Variants in SLIT1 observed in about 807,000 individuals in gnomAD.
SLIT1 encodes slit homolog 1 protein.
Under a neutral mutation model 186.1 loss-of-function variants are expected in SLIT1, and 66 were observed. The observed-to-expected ratio is 0.35, with a 90% CI of 0.29 to 0.44. The LOEUF (loss-of-function observed/expected upper bound fraction) is 0.44. Ranked by LOEUF, SLIT1 falls within the 20% of genes least tolerant of loss-of-function variation. SLIT1 has a pLI of 1.00. For missense variants in SLIT1, 1,638 were observed against 2,037.4 expected (o/e 0.80, Z 3.77); for synonymous variants, 761 against 833.8 (o/e 0.91, Z 1.50).
At chr10:97,049,191 C>T in intron 13 of SLIT1, 73 bp from the exon 14 acceptor site, 1 of 1,531,062 alleles carries the variant, frequency 6.5e-7, no homozygotes. Context: ...CGGGACAGGG[C>T]CTCGTTGTGG....
At chr10:97,167,717 C>G (rs765302423) in intron 1 of SLIT1, among the ~76,000 whole-genome samples, 17 of 152,210 alleles carry the variant, frequency 1.1e-4, no homozygotes, top group Non-Finnish European at 2.5e-4. Flanking sequence ...CCATAATCCC[C>G]ATGTGTCATG....
In SLIT1 at chr10:97,145,799, G is replaced by A. The variant is rs111703870; in HGVS notation, c.413+12019C>T. ...GACAAAGATAAGGCTTCTCCAAGAT[G>A]CTCCACATAAACACTGGGGCCAAAG... On this transcript the variant is annotated intron_variant, in intron 4 of 36. Transcript: ENST00000266058. 3.0e-3 allele frequency among the ~76,000 whole-genome samples: 450 copies of A among 152,266 alleles called. 2 individuals carry two copies. Among genetic ancestry groups the A allele is most frequent in the African/African-American group, 0.01 (432 of 41,542 alleles).
intron 1 of SLIT1, among the ~76,000 whole-genome samples, chr10:97,173,321 G>T (rs1850215175): frequency 6.6e-6 from 1 of 152,172 alleles, no homozygotes; most frequent in Non-Finnish European, 1.5e-5. Flanking sequence ...AGCTCCACAT[G>T]CTTCTCACAA....
intron 4 of SLIT1, chr10:97,153,473 T>A (rs2134715198): frequency 6.6e-6 from 1 of 152,260 alleles, no homozygotes; most frequent in Non-Finnish European, 1.5e-5. Flanking sequence ...ATGGGAAGAA[T>A]TAGTAACAGA....
chr10:97,185,494 G>C lies in SLIT1; in HGVS notation c.181C>G (p.Arg61Gly). ...GLQAIPKNIP[R>G]NTERLELNGN... ...CATACTCACAGGCGCTCGGTGTTCC[G>C]AGGTATATTCTTGGGAATGGCCTGC... is the stretch of plus-strand genomic sequence containing the variant. The change falls in exon 1 of 37, where the codon CGG becomes GGG. Residue 61 changes from arginine to glycine, a missense_variant. By Grantham distance (125) the Arg-to-Gly change is moderately radical. Coordinates refer to ENST00000266058, the MANE Select transcript of SLIT1 (RefSeq NM_003061.3). The C allele has an allele frequency of 6.2e-7, 1 of 1,612,230 alleles. No homozygotes were observed. The highest frequency in any genetic ancestry group is 8.5e-7 in the Non-Finnish European group (1 of 1,179,600).
At chr10:97,078,549 T>G (rs777699563) in intron 4 of SLIT1, among the ~76,000 whole-genome samples, 1 of 152,186 alleles carries the variant, frequency 6.6e-6, no homozygotes, top group East Asian at 1.9e-4. Context: ...AAGGCAGCCC[T>G]GCTTTGAAGT....
intron 26 of SLIT1, among the ~76,000 whole-genome samples, chr10:97,019,704 T>G (rs1340468136): frequency 6.6e-6 from 1 of 152,116 alleles, no homozygotes; most frequent in African/African-American, 2.4e-5. Flanking sequence ...ATCTCCAGGA[T>G]GCACTGGTTG....
chr10:97,027,279 C>G lies in SLIT1; in HGVS notation c.2582+3478G>C, dbSNP rs145190205. On this transcript the variant is annotated intron_variant, in intron 25 of 36. Transcript: ENST00000266058. ...ACCGTTCTTCAATTCCTTATAAGTG[C>G]TCAATATTCTTTCTGGAAGAGTTGC... is the stretch of plus-strand genomic sequence containing the variant. Among the ~76,000 whole-genome samples the G allele has an allele frequency of 2.6e-3, 395 of 152,324 alleles. 6 individuals are homozygous for G. The highest frequency in any genetic ancestry group is 9.1e-3 in the African/African-American group (378 of 41,562).
At chr10:97,033,838 G>C (rs929284125) in intron 23 of SLIT1, among the ~76,000 whole-genome samples, 1 of 151,346 alleles carries the variant, frequency 6.6e-6, no homozygotes, top group East Asian at 1.9e-4. Context: ...ATCAGGAAGG[G>C]ACAAGGTGCT....
rs1848707187 is a variant in SLIT1 at position 97,043,407 on chromosome 10, G to A, written c.1960C>T (p.Pro654Ser). Residue 654 changes from proline to serine, a missense_variant, in exon 19 of 37, where the codon CCA becomes TCA. Transcript: ENST00000266058. The surrounding 1 kb of genome is among the most constrained non-coding windows in gnomAD (Gnocchi z 7.0). ...GACTGGAGGGTGTCGAAGGCTCCTG[G>A]GGATACGGTGGTGATCTGGTTGTCG... The part of the protein sequence containing the change: ...LYDNQITTVS[P>S]GAFDTLQSLS... 6.2e-7 allele frequency: 1 copy of A among 1,613,964 alleles called. No individual in the cohort carries two copies. The highest frequency in any genetic ancestry group is 2.2e-5 in the East Asian group (1 of 44,878).
In SLIT1 at chr10:97,063,376, T is replaced by C. The variant is rs2134639160; in HGVS notation, c.793+79A>G. On this transcript the variant is annotated intron_variant, in intron 8 of 36. Coordinates refer to ENST00000266058, the MANE Select transcript of SLIT1 (RefSeq NM_003061.3). Reference sequence around the variant, plus strand: ...AGGTGATGGGCAGGCCAGGTATTAATGTCGAGATTAGGGGCGGGAACAAGA... The same window carrying C: ...AGGTGATGGGCAGGCCAGGTATTAACGTCGAGATTAGGGGCGGGAACAAGA... 6.0e-6 allele frequency: 9 copies of C among 1,503,850 alleles called. No individual in the cohort carries two copies. The South Asian group carries it at 9.1e-5, about 15-fold the overall frequency. The allele number at this position is 1,503,850 out of a possible 1,614,324, so 93.2% of individuals were successfully genotyped here.
chr10:97,002,149 G>T lies in SLIT1; in HGVS notation c.4366+9C>A. Reference sequence around the variant, plus strand: ...CTGGGGAGGGCACGTCAGGAGGGGGGCCCCTGACCTTGCTCACACAGCTCG... The same window carrying T: ...CTGGGGAGGGCACGTCAGGAGGGGGTCCCCTGACCTTGCTCACACAGCTCG... On this transcript the variant is annotated intron_variant, in intron 36 of 36. Transcript: ENST00000266058. The T allele has an allele frequency of 2.8e-6, 4 of 1,428,194 alleles. No homozygotes were observed. The highest frequency in any genetic ancestry group is 1.5e-5 in the South Asian group (1 of 65,050). 88.5% of individuals were successfully genotyped at this position (1,428,194 alleles called of 1,614,324 possible).
At chr10:97,097,764 C>T (rs1475374599) in intron 4 of SLIT1, among the ~76,000 whole-genome samples, 1 of 152,146 alleles carries the variant, frequency 6.6e-6, no homozygotes, top group Non-Finnish European at 1.5e-5. Context: ...AATCTGCAGC[C>T]CCAGGCAAAA....
intron 4 of SLIT1, among the ~76,000 whole-genome samples, chr10:97,080,824 A>C (rs1849097046): frequency 6.6e-6 from 1 of 152,254 alleles, no homozygotes; most frequent in African/African-American, 2.4e-5. Context: ...GCTTTTAGCA[A>C]AAATGGCATT....
intron 4 of SLIT1, among the ~76,000 whole-genome samples, chr10:97,117,634 C>T (rs751256489): frequency 1.3e-4 from 20 of 152,308 alleles, no homozygotes; most frequent in Middle Eastern, 3.4e-3. Flanking sequence ...TAAATAATCT[C>T]TTCGGTTGCT....
Position 97,000,918 on chromosome 10 carries a change from A to C in SLIT1, c.*194T>G. The C allele has an allele frequency of 1.7e-6, 1 of 594,072 alleles. No homozygotes were observed. The highest frequency in any genetic ancestry group is 3.0e-5 in the Admixed American group (1 of 33,784). 36.8% of individuals were successfully genotyped at this position (594,072 alleles called of 1,614,324 possible). A position where few individuals can be genotyped will look rare whatever the true frequency, so the allele number is the denominator to read the frequency against. On this transcript the variant is annotated 3_prime_UTR_variant, in exon 37 of 37. Transcript: ENST00000266058. Reference sequence around the variant, plus strand: ...GCAGCCCGCAGCTCAGGCCTCGCCCACCCCCGCTGCCCCCAGCTATGGCGC... The same window carrying C: ...GCAGCCCGCAGCTCAGGCCTCGCCCCCCCCCGCTGCCCCCAGCTATGGCGC...
chr10:97,019,498 C>T (rs949543566), intron 26 of SLIT1, among the ~76,000 whole-genome samples: 4 of 152,162 alleles, frequency 2.6e-5, no homozygotes, highest in African/African-American at 9.7e-5. Flanking sequence ...AGGCAATGAC[C>T]CCATCCTGAC....
chr10:97,043,586 C>T lies in SLIT1; in HGVS notation c.1854-73G>A. On this transcript the variant is annotated intron_variant, in intron 18 of 36. Transcript: ENST00000266058. The surrounding 1 kb of genome is among the most constrained non-coding windows in gnomAD (Gnocchi z 7.0). ...GCCATCCACCTGGGCCACGCAGCTTCCGCCATCGTGGCTCGTTCACAGTTC... is the reference window on the plus strand; with the variant it reads ...GCCATCCACCTGGGCCACGCAGCTTTCGCCATCGTGGCTCGTTCACAGTTC... 7.1e-7 allele frequency: 1 copy of T among 1,417,436 alleles called. No individual in the cohort carries two copies. The highest frequency in any genetic ancestry group is 9.8e-7 in the Non-Finnish European group (1 of 1,019,264). 87.8% of individuals were successfully genotyped at this position (1,417,436 alleles called of 1,614,324 possible).
At chr10:97,172,644 G>T (rs1451110391) in intron 1 of SLIT1, among the ~76,000 whole-genome samples, 6 of 152,208 alleles carry the variant, frequency 3.9e-5, no homozygotes, top group African/African-American at 1.4e-4. Context: ...AGCCAAGCGT[G>T]CTGGCTCACT....
Sources: allele counts gnomAD v4.1 joint callset (sites outside exome capture counted in the v4.1 genomes callset), GRCh38; gene constraint gnomAD v4.1.1; non-coding constraint Gnocchi (gnomAD v3.1); transcripts MANE v1.5; gene names NCBI Gene and HGNC (gene_info 2026-07-23, HGNC 2026-07-21).